Variants in ADIPOR2 observed in about 807,000 individuals in gnomAD.
ADIPOR2 encodes adiponectin receptor 2.
A neutral mutation model predicts 40.9 loss-of-function variants in ADIPOR2; 18 were observed. That is an observed-to-expected ratio of 0.44 (90% CI 0.30 to 0.65). The LOEUF (loss-of-function observed/expected upper bound fraction) is 0.65. Ranked by LOEUF, ADIPOR2 falls within the 30% of genes least tolerant of loss-of-function variation. The probability of loss-of-function intolerance (pLI) is 0.09; values close to 1 mark genes in which losing one functional copy is unlikely to be tolerated. For missense variants in ADIPOR2, 283 were observed against 479.2 expected, an observed-to-expected ratio of 0.59 and a Z score of 3.82; for synonymous variants, 165 against 166.4, an observed-to-expected ratio of 0.99 and a Z score of 0.06.
chr12:1,729,352 A>C (rs2094714790), intron 1 of ADIPOR2, among the ~76,000 whole-genome samples: 4 of 152,064 alleles, frequency 2.6e-5, no homozygotes, highest in Admixed American at 6.5e-5. Context: ...ATATAGTTTA[A>C]AAATTATTAA....
chr12:1,748,739 A>T (rs1192705711), intron 1 of ADIPOR2, among the ~76,000 whole-genome samples: 1 of 151,952 alleles, frequency 6.6e-6, no homozygotes, highest in Admixed American at 6.6e-5. Context: ...GTTTAGGGAA[A>T]AACTCTCCTC....
At chr12:1,705,808 ATT>A (rs2094661080) in intron 1 of ADIPOR2, among the ~76,000 whole-genome samples, 1 of 152,194 alleles carries the variant, frequency 6.6e-6, no homozygotes, top group Admixed American at 6.5e-5. Flanking sequence ...GCTATAATGC[ATT>A]GTTTGTGGCT....
At chr12:1,699,330 A>G (rs887899445) in intron 1 of ADIPOR2, among the ~76,000 whole-genome samples, 108 of 152,326 alleles carry the variant, frequency 7.1e-4, no homozygotes, top group Non-Finnish European at 6.9e-4. Context: ...GAAAAACTGC[A>G]GTGCATGCTG....
chr12:1,756,370 T>TA (rs1404972240), intron 2 of ADIPOR2, among the ~76,000 whole-genome samples: 3 of 151,784 alleles, frequency 2.0e-5, no homozygotes, highest in African/African-American at 7.3e-5. Flanking sequence ...AGGCTGGTCT[T>TA]AAACTCCTGA....
intron 1 of ADIPOR2, among the ~76,000 whole-genome samples, chr12:1,695,023 T>TG (rs1171852183): frequency 0.025 from 3,155 of 128,688 alleles, 36 homozygotes; most frequent in Middle Eastern, 0.074. Flanking sequence ...TTTTTTTTTT[T>TG]TTTTGTTTTG....
chr12:1,750,401 A>AT (rs1436999693), intron 1 of ADIPOR2, among the ~76,000 whole-genome samples: 2 of 109,758 alleles, frequency 1.8e-5, no homozygotes, highest in African/African-American at 8.1e-5. Flanking sequence ...ACTACAAGAA[A>AT]TTAAAAAAAA....
chr12:1,724,850 C>T (rs2094704694), intron 1 of ADIPOR2, among the ~76,000 whole-genome samples: 1 of 152,100 alleles, frequency 6.6e-6, no homozygotes, highest in African/African-American at 2.4e-5. Flanking sequence ...GCCACCACTC[C>T]TGGCTAATTT....
chr12:1,701,120 T>G (rs1428949842), intron 1 of ADIPOR2, among the ~76,000 whole-genome samples: 1 of 147,858 alleles, frequency 6.8e-6, no homozygotes, highest in Non-Finnish European at 1.5e-5. Context: ...CTGAGTATGG[T>G]GTTGATCTTT....
At chr12:1,738,501 C>T (rs935442786) in intron 1 of ADIPOR2, among the ~76,000 whole-genome samples, 7 of 152,148 alleles carry the variant, frequency 4.6e-5, no homozygotes, top group Non-Finnish European at 8.8e-5. Context: ...TTTCCTTCCC[C>T]AAGGAGTTTC....
intron 1 of ADIPOR2, among the ~76,000 whole-genome samples, chr12:1,742,031 T>C (rs181607165): frequency 1.7e-4 from 26 of 152,072 alleles, no homozygotes; most frequent in Middle Eastern, 6.8e-3. Context: ...CAAAATCTTA[T>C]GATTGTTGAA....
chr12:1,768,619 G>C (rs1342063817), intron 2 of ADIPOR2, among the ~76,000 whole-genome samples: 1 of 152,106 alleles, frequency 6.6e-6, no homozygotes, highest in Non-Finnish European at 1.5e-5. Flanking sequence ...TACCCAATAG[G>C]TTTGTGAATT....
chr12:1,775,898 T>TA (rs1862583133), intron 3 of ADIPOR2, among the ~76,000 whole-genome samples: 1 of 152,210 alleles, frequency 6.6e-6, no homozygotes, highest in Non-Finnish European at 1.5e-5. Context: ...GAAGATCTCA[T>TA]ACAGCTACTT....
chr12:1,772,107 G>A (rs1258965586), intron 2 of ADIPOR2, among the ~76,000 whole-genome samples: 1 of 152,178 alleles, frequency 6.6e-6, no homozygotes, highest in Non-Finnish European at 1.5e-5. Flanking sequence ...TGGTCTGGAG[G>A]CAGAAATTTT....
At chr12:1,758,230 C>A (rs1397205977) in intron 2 of ADIPOR2, among the ~76,000 whole-genome samples, 2 of 152,140 alleles carry the variant, frequency 1.3e-5, no homozygotes, top group Non-Finnish European at 2.9e-5. Flanking sequence ...TTTTTCCCAT[C>A]CTTATGAATG....
At chr12:1,760,029 G>A (rs1862233874) in intron 2 of ADIPOR2, among the ~76,000 whole-genome samples, 1 of 151,384 alleles carries the variant, frequency 6.6e-6, no homozygotes, top group Non-Finnish European at 1.5e-5. Context: ...CTGTCTCGGG[G>A]AAAACAAAAC....
At chr12:1,701,467 A>G (rs1324262404) in intron 1 of ADIPOR2, among the ~76,000 whole-genome samples, 1 of 152,174 alleles carries the variant, frequency 6.6e-6, no homozygotes, top group Non-Finnish European at 1.5e-5. Context: ...ACATGGGTAT[A>G]TATTCACAAA....
At chr12:1,695,779 A>G (rs898567112) in intron 1 of ADIPOR2, 7 of 151,736 alleles carry the variant, frequency 4.6e-5, no homozygotes, top group Admixed American at 2.0e-4. Context: ...TGATTTACTA[A>G]TTTTCAGATT....
At chr12:1,780,429 T>G in intron 4 of ADIPOR2, 22 bp from the exon 5 acceptor site, 1 of 1,575,670 alleles carries the variant, frequency 6.3e-7, no homozygotes, top group Non-Finnish European at 8.6e-7. Context: ...ATTTTATCTA[T>G]TTTCTGTGCT....
chr12:1,713,406 C>A (rs1438033440), intron 1 of ADIPOR2, among the ~76,000 whole-genome samples: 1 of 152,024 alleles, frequency 6.6e-6, no homozygotes, highest in African/African-American at 2.4e-5. Context: ...TCTTACTAGG[C>A]CTTGAGCTTT....
Sources: gnomAD v4.1 joint callset for allele counts (sites outside exome capture counted in the v4.1 genomes callset) on GRCh38, gnomAD v4.1.1 for gene constraint, MANE v1.5 for transcripts, NCBI Gene and HGNC (gene_info 2026-07-23, HGNC 2026-07-21) for gene names.